MGAT5B: variants seen among roughly 807,000 people sequenced by gnomAD.
The protein encoded by MGAT5B is alpha-1,6-mannosylglycoprotein 6-beta-N-acetylglucosaminyltransferase B.
MGAT5B carries 54 observed loss-of-function variants against 95.1 expected under a neutral mutation model. That is an observed-to-expected ratio of 0.57 (90% CI 0.46 to 0.71). The LOEUF is 0.71. Among genes scored for constraint, MGAT5B ranks in the 30% least tolerant of loss-of-function variants. The pLI, the probability that MGAT5B is intolerant of heterozygous loss-of-function variation, is 0.00. For missense variants in MGAT5B, 935 were observed against 1,088.6 expected (o/e 0.86, Z 1.99); for synonymous variants, 464 against 451.0 (o/e 1.03, Z -0.36).
chr17:76,946,067 G>A (rs1014232223), intron 15 of MGAT5B, among the ~76,000 whole-genome samples: 2 of 151,114 alleles, frequency 1.3e-5, no homozygotes, highest in African/African-American at 2.4e-5. Context: ...AGGTGTCAAA[G>A]CCCAGTAGGG....
intron 3 of MGAT5B, among the ~76,000 whole-genome samples, chr17:76,898,794 T>C (rs140682395): frequency 9.2e-5 from 14 of 152,298 alleles, no homozygotes; most frequent in Non-Finnish European, 2.1e-4. Flanking sequence ...ACCCGAGCAG[T>C]ATACACTGCA....
At chr17:76,948,579 G>T in intron 17 of MGAT5B, 61 bp from the exon 18 acceptor site, 1 of 1,482,442 alleles carries the variant, frequency 6.7e-7, no homozygotes, top group Non-Finnish European at 9.2e-7. Context: ...CCCCTACCCC[G>T]CCCCAGCCCT....
intron 3 of MGAT5B, among the ~76,000 whole-genome samples, chr17:76,897,737 T>C (rs201004825): frequency 7.0e-5 from 8 of 113,634 alleles, no homozygotes; most frequent in Middle Eastern, 4.8e-3. Context: ...TTTTCTTTTT[T>C]TTTTTTTTTT....
intron 2 of MGAT5B, among the ~76,000 whole-genome samples, chr17:76,874,569 AGAGGCCTT>A (rs1967119230): frequency 6.6e-6 from 1 of 152,144 alleles, no homozygotes; most frequent in Non-Finnish European, 1.5e-5. Flanking sequence ...GGGCTGCTAC[AGAGGCCTT>A]GAGGAAGTTG....
intron 3 of MGAT5B, among the ~76,000 whole-genome samples, chr17:76,888,230 G>A (rs1467521223): frequency 6.6e-6 from 1 of 152,100 alleles, no homozygotes; most frequent in Non-Finnish European, 1.5e-5. Flanking sequence ...GGGGAGCTCT[G>A]GATGGGCCAA....
chr17:76,877,329 T>TAA lies in MGAT5B; in HGVS notation c.181+4387_181+4388dup, dbSNP rs34612127. Among the ~76,000 whole-genome samples, 433 of 111,188 alleles carry TAA rather than the reference T, an allele frequency of 3.9e-3. 2 individuals are homozygous for TAA. The highest frequency in any genetic ancestry group is 0.012 in the African/African-American group (358 of 28,702). The allele number at this position is 111,188 out of a possible 152,430, so 72.9% of individuals were successfully genotyped here. A position where few individuals can be genotyped will look rare whatever the true frequency, so the allele number is the denominator to read the frequency against. On this transcript the variant is annotated intron_variant, in intron 2 of 17. Coordinates refer to ENST00000569840, the MANE Select transcript of MGAT5B (RefSeq NM_001199172.2). The stretch of plus-strand genomic sequence containing the variant: ...GACAGAGCAAGACTCTGTCTCGGCT[T>TAA]AAAAAAAAAAAAAAAAAAAAAAGTA...
chr17:76,885,662 G>T (rs554629412), intron 3 of MGAT5B, among the ~76,000 whole-genome samples: 1 of 152,162 alleles, frequency 6.6e-6, no homozygotes, highest in Non-Finnish European at 1.5e-5. Flanking sequence ...CATCCATCAC[G>T]ACCGGCAGAG....
chr17:76,917,984 C>G lies in MGAT5B; in HGVS notation c.1026-6982C>G, dbSNP rs1048253540. Among the ~76,000 whole-genome samples the G allele has an allele frequency of 6.6e-6, 1 of 152,190 alleles. No homozygotes were observed. Among genetic ancestry groups the G allele is most frequent in the Admixed American group, 6.5e-5 (1 of 15,286 alleles). ...GGAGGGCCGAGTTCCCGTTCCTCTT[C>G]CTGCAGCCGTGCTGGCAGCCAGCGG... On this transcript the variant is annotated intron_variant, in intron 8 of 17. Coordinates refer to ENST00000569840, the MANE Select transcript of MGAT5B (RefSeq NM_001199172.2). The surrounding 1 kb of genome is among the most constrained non-coding windows in gnomAD (Gnocchi z 6.1).
At chr17:76,948,607 C>A (rs762099718) in intron 17 of MGAT5B, 33 bp from the exon 18 acceptor site, 17 of 1,588,186 alleles carry the variant, frequency 1.1e-5, no homozygotes, top group Non-Finnish European at 1.5e-5. Context: ...AAGTGACCAA[C>A]GCTGAGTGAC....
chr17:76,932,751 C>G lies in MGAT5B; in HGVS notation c.1398C>G (p.Tyr466Ter), dbSNP rs770861407. The G allele has an allele frequency of 1.2e-6, 2 of 1,613,592 alleles. No individual in the cohort carries two copies. The highest frequency in any genetic ancestry group is 1.7e-6 in the Non-Finnish European group (2 of 1,179,840). The change falls in exon 11 of 18, where the codon TAC becomes TAG. Residue 466 changes from tyrosine (Y) to a stop codon, truncating the protein, a stop_gained. Coordinates refer to ENST00000569840, the MANE Select transcript of MGAT5B (RefSeq NM_001199172.2). LOFTEE classifies it high-confidence loss of function. ...GGKASNMAVV[Y>*]GKEASIWKLQ... Reference sequence around the variant, plus strand: ...AGGCCAGCAACATGGCCGTGGTGTACGGCAAGGAGGCGAGCATCTGGAAGG... The same window carrying G: ...AGGCCAGCAACATGGCCGTGGTGTAGGGCAAGGAGGCGAGCATCTGGAAGG...
chr17:76,885,487 G>T (rs922639268), intron 3 of MGAT5B, among the ~76,000 whole-genome samples: 3 of 152,206 alleles, frequency 2.0e-5, no homozygotes, highest in African/African-American at 7.2e-5. Flanking sequence ...TCTTGGGCTG[G>T]GGGTGGTACT....
At chr17:76,903,233 C>A in intron 4 of MGAT5B, 70 bp from the exon 5 acceptor site, 2 of 1,243,642 alleles carry the variant, frequency 1.6e-6, no homozygotes, top group South Asian at 2.8e-5. Flanking sequence ...AGCTGCCTCC[C>A]GCACGCAGGC....
intron 10 of MGAT5B, 150 bp from the exon 11 acceptor site, chr17:76,932,495 A>G (rs1969523413): frequency 8.1e-6 from 9 of 1,107,860 alleles, no homozygotes; most frequent in Non-Finnish European, 1.0e-5. Flanking sequence ...AGGCCGGGGC[A>G]CTGATTACAC....
At chr17:76,948,555 T>A in intron 17 of MGAT5B, 85 bp from the exon 18 acceptor site, 1 of 1,364,366 alleles carries the variant, frequency 7.3e-7, no homozygotes. Flanking sequence ...CAGGCAGGAC[T>A]AGGCTGGGGG....
chr17:76,892,994 G>A (rs914832526), intron 3 of MGAT5B, among the ~76,000 whole-genome samples: 2 of 152,254 alleles, frequency 1.3e-5, no homozygotes, highest in African/African-American at 2.4e-5. Flanking sequence ...GTGAGCTCCC[G>A]GGAGCAGGTC....
At chr17:76,933,824 G>A (rs56789328) in intron 12 of MGAT5B, among the ~76,000 whole-genome samples, 32,241 of 152,106 alleles carry the variant, frequency 0.21, 3,880 homozygotes, top group Admixed American at 0.3. Context: ...GGGAGGGCTG[G>A]TGTGGCGTTC....
chr17:76,947,287 A>G (rs2145293020), intron 16 of MGAT5B, among the ~76,000 whole-genome samples: 1 of 152,294 alleles, frequency 6.6e-6, no homozygotes, highest in South Asian at 2.1e-4. Flanking sequence ...GTCCCTTTAC[A>G]GATGGGAATA....
intron 8 of MGAT5B, among the ~76,000 whole-genome samples, chr17:76,924,738 G>A (rs577736748): frequency 1.5e-4 from 23 of 152,320 alleles, no homozygotes; most frequent in Admixed American, 1.5e-3. Flanking sequence ...CCCAGGCTGG[G>A]TGCACGGGAG....
At chr17:76,903,786 C>T (rs1300679744) in intron 5 of MGAT5B, among the ~76,000 whole-genome samples, 7 of 152,226 alleles carry the variant, frequency 4.6e-5, no homozygotes, top group African/African-American at 1.2e-4. Flanking sequence ...TGGTTCTGAA[C>T]GCCCTAAGGG....
Sources: allele counts gnomAD v4.1 joint callset (sites outside exome capture counted in the v4.1 genomes callset), GRCh38; gene constraint gnomAD v4.1.1; non-coding constraint Gnocchi (gnomAD v3.1); transcripts MANE v1.5; gene names NCBI Gene and HGNC (gene_info 2026-07-23, HGNC 2026-07-21).